Variants in ATG10 observed in about 807,000 individuals in gnomAD.
ATG10 encodes the protein autophagy related 10.
A neutral mutation model predicts 32.1 loss-of-function variants in ATG10; 30 were observed. The observed-to-expected ratio is 0.94, with a 90% CI of 0.70 to 1.27. The LOEUF (loss-of-function observed/expected upper bound fraction) is 1.27. Among genes scored for constraint, ATG10 ranks in the 50% most tolerant of loss-of-function variants. The pLI, the probability that ATG10 is intolerant of heterozygous loss-of-function variation, is 0.00. For missense variants in ATG10, 233 were observed against 262.3 expected (o/e 0.89, Z 0.77); for synonymous variants, 87 against 91.5 (o/e 0.95, Z 0.28).
At chr5:82,029,286 T>C (rs1340231423) in intron 2 of ATG10, among the ~76,000 whole-genome samples, 1 of 151,984 alleles carries the variant, frequency 6.6e-6, no homozygotes, top group African/African-American at 2.4e-5. Flanking sequence ...AGAGCTGAGA[T>C]AGGAATGGGG....
At chr5:82,231,676 G>A (rs150349093) in intron 5 of ATG10, among the ~76,000 whole-genome samples, 95 of 152,178 alleles carry the variant, frequency 6.2e-4, no homozygotes, top group African/African-American at 2.0e-3. Context: ...TGGGATTATC[G>A]CATGCTTATG....
At chr5:81,992,306 G>A (rs997336634) in intron 2 of ATG10, 1 of 151,546 alleles carries the variant, frequency 6.6e-6, no homozygotes, top group Non-Finnish European at 1.5e-5. Context: ...CCTTTAGAGT[G>A]TATATTGTCC....
At chr5:82,136,243 T>C (rs562555572) in intron 3 of ATG10, among the ~76,000 whole-genome samples, 1 of 152,322 alleles carries the variant, frequency 6.6e-6, no homozygotes, top group South Asian at 2.1e-4. Context: ...TTAATATTGT[T>C]ATATGTGAAT....
At chr5:82,004,292 G>GATC (rs1463547047) in intron 2 of ATG10, among the ~76,000 whole-genome samples, 1 of 152,158 alleles carries the variant, frequency 6.6e-6, no homozygotes, top group Non-Finnish European at 1.5e-5. Flanking sequence ...TGAGCCTAGT[G>GATC]ATCAGTCTTT....
chr5:82,138,130 A>G (rs1027082988), intron 3 of ATG10, among the ~76,000 whole-genome samples: 1 of 152,152 alleles, frequency 6.6e-6, no homozygotes, highest in African/African-American at 2.4e-5. Flanking sequence ...GGGAGCGAGA[A>G]TTTCAAGCCA....
chr5:81,977,519 A>G (rs992240435), intron 1 of ATG10, among the ~76,000 whole-genome samples: 1 of 152,162 alleles, frequency 6.6e-6, no homozygotes, highest in Non-Finnish European at 1.5e-5. Context: ...CGGGTTCCCC[A>G]TAAAGTTGGG....
chr5:82,061,142 T>C (rs915489612), intron 3 of ATG10, among the ~76,000 whole-genome samples: 6 of 152,166 alleles, frequency 3.9e-5, no homozygotes, highest in Non-Finnish European at 7.3e-5. Flanking sequence ...CTTCTCTTTT[T>C]TTCCCAGGTA....
intron 3 of ATG10, among the ~76,000 whole-genome samples, chr5:82,092,551 T>C (rs2149794147): frequency 6.6e-6 from 1 of 152,242 alleles, no homozygotes; most frequent in East Asian, 1.9e-4. Flanking sequence ...ACCTGGTGAG[T>C]GGCCAGAGGT....
chr5:82,034,071 G>T (rs1762835045), intron 2 of ATG10, among the ~76,000 whole-genome samples: 1 of 149,542 alleles, frequency 6.7e-6, no homozygotes, highest in South Asian at 2.1e-4. Flanking sequence ...TGTGTATATT[G>T]TATGTGTATA....
chr5:82,037,645 TTAAG>T lies in ATG10; in HGVS notation c.109-20847_109-20844del. On this transcript the variant is annotated intron_variant, in intron 2 of 7. Coordinates refer to ENST00000282185, the MANE Select transcript of ATG10 (RefSeq NM_031482.5). Reference sequence around the variant, plus strand: ...TGGAAATGTTTATAATATTTAATCATTAAGTATGTATTTTTATTAGATTCTTTTC... The same window carrying T: ...TGGAAATGTTTATAATATTTAATCATTATGTATTTTTATTAGATTCTTTTC... Among the ~76,000 whole-genome samples, 5 of 152,326 alleles carry T rather than the reference TTAAG, an allele frequency of 3.3e-5. No homozygotes were observed. In the Middle Eastern group the frequency reaches 0.014, roughly 414 times the overall value.
intron 3 of ATG10, among the ~76,000 whole-genome samples, chr5:82,131,861 G>A (rs930081290): frequency 6.6e-6 from 1 of 152,098 alleles, no homozygotes; most frequent in African/African-American, 2.4e-5. Flanking sequence ...AAGCATCCTG[G>A]CATCTGCTTC....
chr5:82,001,595 T>C (rs1761850724), intron 2 of ATG10, among the ~76,000 whole-genome samples: 1 of 152,150 alleles, frequency 6.6e-6, no homozygotes, highest in African/African-American at 2.4e-5. Context: ...TGGCCTGCCA[T>C]ATGCAGAGAA....
chr5:81,987,151 A>G (rs1345940898), intron 1 of ATG10, among the ~76,000 whole-genome samples: 2 of 152,172 alleles, frequency 1.3e-5, no homozygotes, highest in Non-Finnish European at 2.9e-5. Flanking sequence ...GAGATGGGGT[A>G]TCACTCTGTC....
chr5:81,988,120 T>A (rs1761343542), intron 2 of ATG10, among the ~76,000 whole-genome samples: 1 of 152,204 alleles, frequency 6.6e-6, no homozygotes. Flanking sequence ...GAATTTCCTA[T>A]TAATATAAAC....
rs146908253 is a variant in ATG10 at position 82,249,899 on chromosome 5, T to C, written c.454-2663T>C. ...TGTAAGTGCCTATCCACCTCTTAGA[T>C]AAGAAAGAGATGCCAAAGGGAAAGT... is the stretch of plus-strand genomic sequence containing the variant. On this transcript the variant is annotated intron_variant, in intron 5 of 7. Transcript: ENST00000282185. Among the ~76,000 whole-genome samples the C allele has an allele frequency of 9.9e-5, 15 of 152,264 alleles. No individual in the cohort carries two copies. The East Asian group carries it at 2.9e-3, about 29-fold the overall frequency.
At chr5:82,140,059 G>A (rs1767018102) in intron 3 of ATG10, among the ~76,000 whole-genome samples, 1 of 141,060 alleles carries the variant, frequency 7.1e-6, no homozygotes, top group South Asian at 2.3e-4. Flanking sequence ...CCGTCCGGGA[G>A]GGAGGTGGGA....
chr5:82,011,329 T>C (rs1762122204), intron 2 of ATG10, among the ~76,000 whole-genome samples: 1 of 152,214 alleles, frequency 6.6e-6, no homozygotes, highest in South Asian at 2.1e-4. Context: ...TAAAAATCTC[T>C]CAAGTTGGCT....
chr5:81,973,918 A>AT lies in ATG10; in HGVS notation c.-13+1614dup, dbSNP rs537247173. ...ACATTTGAATGTGGAGTGTTAAAAG[A>AT]TTATTTCCCTTGTCTCCTGTTTTAT... On this transcript the variant is annotated intron_variant, in intron 1 of 7. Transcript: ENST00000282185. Among the ~76,000 whole-genome samples the AT allele has an allele frequency of 7.9e-5, 12 of 152,338 alleles. No homozygotes were observed. In the East Asian group the frequency reaches 2.3e-3, roughly 29 times the overall value.
chr5:82,023,065 T>C (rs1411866665), intron 2 of ATG10, among the ~76,000 whole-genome samples: 2 of 149,916 alleles, frequency 1.3e-5, no homozygotes, highest in Non-Finnish European at 2.9e-5. Context: ...GCTCCCCCCC[T>C]GCCCCAGCAA....
Sources: gnomAD v4.1 joint callset for allele counts (sites outside exome capture counted in the v4.1 genomes callset) on GRCh38, gnomAD v4.1.1 for gene constraint, MANE v1.5 for transcripts, NCBI Gene and HGNC (gene_info 2026-07-23, HGNC 2026-07-21) for gene names.